Variants in MGLL observed in about 807,000 individuals in gnomAD.
The protein encoded by MGLL is lysophospholipase homolog.
A neutral mutation model predicts 29.1 loss-of-function variants in MGLL; 7 were observed. The observed-to-expected ratio is 0.24, with a 90% confidence interval of 0.14 to 0.45. The LOEUF is 0.45. MGLL is among the 20% of genes least tolerant of loss of function. The pLI, the probability that MGLL is intolerant of heterozygous loss-of-function variation, is 0.99. For synonymous variants in MGLL, 148 were observed against 168.3 expected (o/e 0.88, Z 0.93); for missense variants, 356 against 413.6 (o/e 0.86, Z 1.21).
intron 3 of MGLL, among the ~76,000 whole-genome samples, chr3:127,734,434 A>C (rs1324042860): frequency 6.6e-6 from 1 of 152,058 alleles, no homozygotes; most frequent in Non-Finnish European, 1.5e-5. Context: ...CCGTGCCTTC[A>C]TTTACCCTAA....
intron 3 of MGLL, among the ~76,000 whole-genome samples, chr3:127,758,612 A>C (rs1237529879): frequency 1.3e-5 from 2 of 152,236 alleles, no homozygotes; most frequent in African/African-American, 4.8e-5. Context: ...TAGTGCTGAC[A>C]AAGTGCCAGT....
At chr3:127,781,517 G>T (rs2077125484) in intron 3 of MGLL, among the ~76,000 whole-genome samples, 1 of 152,228 alleles carries the variant, frequency 6.6e-6, no homozygotes, top group Non-Finnish European at 1.5e-5. Flanking sequence ...ATGCAGGAAA[G>T]AATTCCTTAG....
chr3:127,735,790 T>G, intron 3 of MGLL: 1 of 1,598,384 alleles, frequency 6.3e-7, no homozygotes, highest in Non-Finnish European at 8.5e-7. Flanking sequence ...GAGAAAAATG[T>G]ATAAATTCTG....
rs981973184 is a variant in MGLL, at chr3:127,689,189, T to C, written c.*3009A>G. 3 of 152,262 alleles carry C rather than the reference T, an allele frequency of 2.0e-5. No individual in the cohort carries two copies. Among genetic ancestry groups the C allele is most frequent in the African/African-American group, 7.2e-5 (3 of 41,448 alleles). The allele number at this position is 152,262 out of a possible 1,614,324, so 9.4% of individuals were successfully genotyped here. A position where few individuals can be genotyped will look rare whatever the true frequency, so the allele number is the denominator to read the frequency against. ...GGGATGTGACTGAGCCACAGTGACATAGCAAACCCAACAGCTGGCTTGTGA... is the reference window on the plus strand; with the variant it reads ...GGGATGTGACTGAGCCACAGTGACACAGCAAACCCAACAGCTGGCTTGTGA... On this transcript the variant is annotated 3_prime_UTR_variant, in exon 8 of 8. Coordinates refer to ENST00000265052, the MANE Select transcript of MGLL (RefSeq NM_007283.7).
chr3:127,724,025 C>T (rs1444538742), intron 3 of MGLL, among the ~76,000 whole-genome samples: 1 of 152,188 alleles, frequency 6.6e-6, no homozygotes, highest in African/African-American at 2.4e-5. Flanking sequence ...AGGGAGATGG[C>T]AGCCATTTAC....
chr3:127,796,985 G>A (rs143263808), intron 2 of MGLL, among the ~76,000 whole-genome samples: 1,624 of 152,204 alleles, frequency 0.011, 38 homozygotes, highest in South Asian at 0.058. Flanking sequence ...TACCCAGCCT[G>A]CTAAGCTGAG....
chr3:127,694,870 C>G, intron 7 of MGLL, 105 bp downstream of exon 7: 1 of 1,097,556 alleles, frequency 9.1e-7, no homozygotes, highest in Non-Finnish European at 1.4e-6. Context: ...TATCCTGAGA[C>G]CTGGGAGGTG....
chr3:127,783,143 CAAAAAAAAA>C (rs72041528), intron 2 of MGLL, among the ~76,000 whole-genome samples: 9 of 63,930 alleles, frequency 1.4e-4, no homozygotes, highest in Admixed American at 2.2e-4. Context: ...GACTCTGTCT[CAAAAAAAAA>C]AAAAAAAAAA....
intron 6 of MGLL, among the ~76,000 whole-genome samples, chr3:127,696,683 G>A (rs1357615468): frequency 6.6e-5 from 10 of 151,882 alleles, no homozygotes; most frequent in Admixed American, 5.9e-4. Flanking sequence ...CAAAGTGCTG[G>A]GATTATAGGC....
chr3:127,748,761 G>C (rs948547603), intron 3 of MGLL, among the ~76,000 whole-genome samples: 1 of 152,140 alleles, frequency 6.6e-6, no homozygotes, highest in African/African-American at 2.4e-5. Flanking sequence ...AAGCTCCCCA[G>C]TCTGTAGAAT....
chr3:127,754,111 G>A (rs914273376), intron 3 of MGLL, among the ~76,000 whole-genome samples: 1 of 152,164 alleles, frequency 6.6e-6, no homozygotes, highest in African/African-American at 2.4e-5. Context: ...ACTCTACGGA[G>A]GAGGCCACAG....
chr3:127,705,854 A>G (rs980680796), intron 6 of MGLL, among the ~76,000 whole-genome samples: 1 of 152,120 alleles, frequency 6.6e-6, no homozygotes, highest in Non-Finnish European at 1.5e-5. Flanking sequence ...GACACTCAGC[A>G]TCACTAACCA....
chr3:127,761,099 T>C lies in MGLL; in HGVS notation c.262+20690A>G, dbSNP rs576609890. 6.6e-6 allele frequency among the ~76,000 whole-genome samples: 1 copy of C among 152,360 alleles called. No individual in the cohort carries two copies. Among genetic ancestry groups the C allele is most frequent in the East Asian group, 1.9e-4 (1 of 5,192 alleles). Reference sequence around the variant, plus strand: ...ATTTCTGTGAAATGCCTTGTAATTCTGCAAGCCTTCACTGAGCAGCTGCTA... The same window carrying C: ...ATTTCTGTGAAATGCCTTGTAATTCCGCAAGCCTTCACTGAGCAGCTGCTA... On this transcript the variant is annotated intron_variant, in intron 3 of 7. Transcript: ENST00000265052. This position sits in a 1 kb window ranked among gnomAD's most constrained non-coding sequence, Gnocchi z 4.6.
intron 3 of MGLL, among the ~76,000 whole-genome samples, chr3:127,767,559 T>G (rs1477102794): frequency 6.6e-6 from 1 of 152,222 alleles, no homozygotes; most frequent in African/African-American, 2.4e-5. Flanking sequence ...AGGCACTCGA[T>G]GAATCTTTTT....
At chr3:127,787,473 T>A (rs1356801822) in intron 2 of MGLL, among the ~76,000 whole-genome samples, 2 of 152,228 alleles carry the variant, frequency 1.3e-5, no homozygotes, top group African/African-American at 4.8e-5. Flanking sequence ...GTCGAAGCAA[T>A]GCCAGGCTCC....
chr3:127,739,723 TTTCA>T (rs2076302865), intron 3 of MGLL, among the ~76,000 whole-genome samples: 1 of 152,140 alleles, frequency 6.6e-6, no homozygotes, highest in African/African-American at 2.4e-5. Context: ...AGGCCTGAGA[TTTCA>T]TTCATGGAAC....
At chr3:127,744,315 T>A (rs1453855914) in intron 3 of MGLL, among the ~76,000 whole-genome samples, 1 of 152,234 alleles carries the variant, frequency 6.6e-6, no homozygotes, top group Non-Finnish European at 1.5e-5. Flanking sequence ...GTTCTTGGCA[T>A]CTAGCAAGAT....
chr3:127,785,786 G>A lies in MGLL; in HGVS notation c.156-3891C>T, dbSNP rs866709190. On this transcript the variant is annotated intron_variant, in intron 2 of 7. Coordinates refer to ENST00000265052, the MANE Select transcript of MGLL (RefSeq NM_007283.7). ...CAGGACACTGAGATGAACAAACAAC[G>A]TTGTCCCTGCCCACACACAGCTTGC... 1.4e-4 allele frequency among the ~76,000 whole-genome samples: 21 copies of A among 152,226 alleles called. No individual in the cohort carries two copies. In the East Asian group the frequency reaches 1.7e-3, roughly 13 times the overall value.
At chr3:127,720,153 G>A (rs2075890888) in intron 5 of MGLL, among the ~76,000 whole-genome samples, 1 of 152,216 alleles carries the variant, frequency 6.6e-6, no homozygotes, top group South Asian at 2.1e-4. Flanking sequence ...CATAGGGTAA[G>A]CCTGTGGGTG....
Sources: allele counts gnomAD v4.1 joint callset (sites outside exome capture counted in the v4.1 genomes callset), GRCh38; gene constraint gnomAD v4.1.1; non-coding constraint Gnocchi (gnomAD v3.1); transcripts MANE v1.5; gene names NCBI Gene and HGNC (gene_info 2026-07-23, HGNC 2026-07-21).